Variants in UBA5 observed in about 807,000 individuals in gnomAD.
UBA5 encodes the protein ubiquitin-like modifier-activating enzyme 5.
Under a neutral mutation model 52.9 loss-of-function variants are expected in UBA5, and 28 were observed. The observed-to-expected ratio is 0.53, with a 90% confidence interval of 0.39 to 0.73. The LOEUF (loss-of-function observed/expected upper bound fraction) is 0.73, where lower values mean the gene tolerates loss of function less well. Ranked by LOEUF, UBA5 falls within the 30% of genes least tolerant of loss-of-function variation. The pLI is 0.00. For synonymous variants in UBA5, 135 were observed against 162.1 expected (o/e 0.83, Z 1.27); for missense variants, 388 against 492.7 (o/e 0.79, Z 2.01).
intron 8 of UBA5, among the ~76,000 whole-genome samples, chr3:132,674,363 A>T (rs191048555): frequency 1.3e-5 from 2 of 152,294 alleles, no homozygotes; most frequent in East Asian, 3.9e-4. Context: ...TTTAACAAAA[A>T]CTGCAATTAC....
rs753687713 is a variant in UBA5 at position 132,671,041 on chromosome 3, A to T, written c.571A>T (p.Ile191Leu). Residue 191 changes from isoleucine to leucine, a missense_variant, in exon 6 of 12, where the codon ATA (isoleucine) becomes TTA (leucine). By Grantham distance (5) the Ile-to-Leu change is conservative. Transcript: ENST00000356232. Reference sequence around the variant, plus strand: ...GGACAATTTTGAAGCTCGAATGACAATAAATACAGTGAGTATTCCTGCTGT... The same window carrying T: ...GGACAATTTTGAAGCTCGAATGACATTAAATACAGTGAGTATTCCTGCTGT... Reference protein sequence around the residue: ...CVDNFEARMTINTACNELGQT... With the variant: ...CVDNFEARMTLNTACNELGQT... The T allele has an allele frequency of 4.3e-6, 7 of 1,612,604 alleles. No individual in the cohort carries two copies. In the South Asian group the frequency reaches 7.7e-5, roughly 18 times the overall value.
In UBA5 at chr3:132,675,882, T is replaced by G. The variant is rs781045424; in HGVS notation, c.1090T>G (p.Leu364Val). 6.2e-7 allele frequency: 1 copy of G among 1,611,562 alleles called. No homozygotes were observed. The highest frequency in any genetic ancestry group is 1.7e-5 in the Admixed American group (1 of 59,888). Residue 364 changes from leucine to valine, a missense_variant, in exon 11 of 12, where the codon TTA becomes GTA. This residue lies in a region of UBA5 where 277 missense variants were observed against 326.4 expected (regional missense o/e 0.85). Transcript: ENST00000356232. Reference sequence around the variant, plus strand: ...AAATTTTTCAGGTCCAGTTCCAGACTTACCTGAAGGAATTACAGTGGCATA... The same window carrying G: ...AAATTTTTCAGGTCCAGTTCCAGACGTACCTGAAGGAATTACAGTGGCATA... ...LKNFSGPVPDLPEGITVAYTI... is the reference protein window; with the variant it reads ...LKNFSGPVPDVPEGITVAYTI...
chr3:132,660,635 G>A lies in UBA5; in HGVS notation c.98G>A (p.Gly33Glu), dbSNP rs541600523. 4 of 1,569,592 alleles carry A rather than the reference G, an allele frequency of 2.5e-6. No homozygotes were observed. In the African/African-American group the frequency reaches 5.4e-5, roughly 21 times the overall value. The change falls in exon 1 of 12, where the codon GGA (glycine) becomes GAA (glutamate). Residue 33 changes from glycine to glutamate, a missense_variant. Gly to Glu is a moderately conservative substitution (Grantham distance 98). Coordinates refer to ENST00000356232, the MANE Select transcript of UBA5 (RefSeq NM_024818.6). The surrounding 1 kb of genome is among the most constrained non-coding windows in gnomAD (Gnocchi z 4.1). ...CTGCAGGTCCCGAGGAGCGGCGACGGAGGGGGCGGCCGGGTCCGCATCGAG... is the reference window on the plus strand; with the variant it reads ...CTGCAGGTCCCGAGGAGCGGCGACGAAGGGGGCGGCCGGGTCCGCATCGAG... ...RSLQVPRSGDGGGGRVRIEKM... is the reference protein window; with the variant it reads ...RSLQVPRSGDEGGGRVRIEKM...
intron 1 of UBA5, among the ~76,000 whole-genome samples, chr3:132,663,859 C>T (rs1938268094): frequency 6.6e-6 from 1 of 152,038 alleles, no homozygotes; most frequent in African/African-American, 2.4e-5. Context: ...AGATATGGTA[C>T]AAATGATACA....
intron 3 of UBA5, chr3:132,668,267 T>C (rs1938461748): frequency 6.6e-6 from 1 of 152,304 alleles, no homozygotes; most frequent in Non-Finnish European, 1.5e-5. Flanking sequence ...TAATTCTATT[T>C]GGAATAATGT....
At chr3:132,670,148 T>C in intron 4 of UBA5, 50 bp from the exon 5 acceptor site, 1 of 947,364 alleles carries the variant, frequency 1.1e-6, no homozygotes, top group Non-Finnish European at 1.6e-6. Context: ...CCACAGCCTC[T>C]TGAAATGCTA....
chr3:132,673,049 G>A (rs996507451), intron 8 of UBA5, among the ~76,000 whole-genome samples: 5 of 152,190 alleles, frequency 3.3e-5, no homozygotes, highest in African/African-American at 4.8e-5. Context: ...TGTCAGTTGC[G>A]AGCAAAGAAA....
chr3:132,660,274 G>T (rs1008041361), upstream of UBA5: 2 of 568,034 alleles, frequency 3.5e-6, no homozygotes, highest in African/African-American at 1.9e-5. The surrounding 1 kb of genome is among the most constrained non-coding windows in gnomAD (Gnocchi z 4.1). Flanking sequence ...CCGGCCCAGC[G>T]AGGAAGGAAG....
intron 8 of UBA5, 144 bp from the exon 9 acceptor site, chr3:132,675,104 T>G (rs761013116): frequency 7.1e-5 from 43 of 606,226 alleles, no homozygotes; most frequent in Middle Eastern, 4.6e-4. Flanking sequence ...AGATAAAATT[T>G]CTGTTTTCTG....
In UBA5 at chr3:132,678,152, T is replaced by C. The variant is rs1938912517; in HGVS notation, c.*1626T>C. 6.6e-6 allele frequency: 1 copy of C among 152,216 alleles called. No individual in the cohort carries two copies. Among genetic ancestry groups the C allele is most frequent in the Non-Finnish European group, 1.5e-5 (1 of 68,028 alleles). 9.4% of individuals were successfully genotyped at this position (152,216 alleles called of 1,614,324 possible). On this transcript the variant is annotated 3_prime_UTR_variant, in exon 12 of 12. Transcript: ENST00000356232. Reference sequence around the variant, plus strand: ...TGCTCTCAAGTTGGCATTGCATCACTGCCTGTGTCTTACACTGCACCAAAT... The same window carrying C: ...TGCTCTCAAGTTGGCATTGCATCACCGCCTGTGTCTTACACTGCACCAAAT...
Position 132,670,269 on chromosome 3 carries a change from T to A in UBA5, c.479T>A (p.Phe160Tyr). ...ACCACAGTGGAAAACTTTCAACATT[T>A]CATGGATAGAATAAGGTAAAATTTT... is the stretch of plus-strand genomic sequence containing the variant. The part of the protein sequence containing the change: ...NITTVENFQH[F>Y]MDRISNGGLE... Residue 160 changes from phenylalanine (F) to tyrosine (Y), a missense_variant, in exon 5 of 12, where the codon TTC (phenylalanine) becomes TAC (tyrosine). Physicochemically the swap from Phe to Tyr is conservative, Grantham distance 22 (BLOSUM62 3). Around this residue, in one of 3 missense-constraint regions of UBA5, gnomAD observed 277 missense variants for 326.4 expected, o/e 0.85. Coordinates refer to ENST00000356232, the MANE Select transcript of UBA5 (RefSeq NM_024818.6). 7.1e-7 allele frequency: 1 copy of A among 1,414,622 alleles called. No homozygotes were observed. The highest frequency in any genetic ancestry group is 1.2e-5 in the South Asian group (1 of 82,382). 87.6% of individuals were successfully genotyped at this position (1,414,622 alleles called of 1,614,324 possible).
At chr3:132,665,787 C>CT in intron 1 of UBA5, 36 bp from the exon 2 acceptor site, 1 of 1,600,208 alleles carries the variant, frequency 6.2e-7, no homozygotes, top group Non-Finnish European at 8.5e-7. Context: ...ACCTAAAAGA[C>CT]TGTAAGCTTT....
At chr3:132,667,199 ATG>A (rs1432408678) in intron 3 of UBA5, 8 of 152,320 alleles carry the variant, frequency 5.3e-5, no homozygotes, top group African/African-American at 1.4e-4. Context: ...CTGAATCAGA[ATG>A]TGTATTTTAA....
intron 8 of UBA5, among the ~76,000 whole-genome samples, chr3:132,673,916 C>T (rs1320420757): frequency 6.6e-6 from 1 of 152,100 alleles, no homozygotes; most frequent in Non-Finnish European, 1.5e-5. Flanking sequence ...CTGCCCATAT[C>T]GACCTTCTAA....
chr3:132,667,388 G>T (rs565558227), intron 3 of UBA5: 1 of 152,204 alleles, frequency 6.6e-6, no homozygotes, highest in African/African-American at 2.4e-5. Context: ...AAAAATTCTG[G>T]TGTCCAGACT....
At chr3:132,659,742 C>G, upstream of UBA5, 1 of 1,602,086 alleles carries the variant, frequency 6.2e-7, no homozygotes, top group Non-Finnish European at 8.5e-7. Context: ...CCAGTAGCAC[C>G]TGGCTTCATG....
In UBA5 at chr3:132,669,141, G is replaced by T. The variant is rs144513909; in HGVS notation, c.407+214G>T. ...TCTTTGAGGGCCAGATATTCTGTTG[G>T]AACTGTTAGTTGCAGTTTGATAGCA... On this transcript the variant is annotated intron_variant, in intron 4 of 11. Transcript: ENST00000356232. Among the ~76,000 whole-genome samples the T allele has an allele frequency of 3.7e-3, 563 of 152,278 alleles. 1 individual carries two copies. Among genetic ancestry groups the T allele is most frequent in the African/African-American group, 0.013 (536 of 41,544 alleles).
At chr3:132,668,982 T>A (rs1162453186) in intron 4 of UBA5, 55 bp downstream of exon 4, 1 of 1,169,126 alleles carries the variant, frequency 8.6e-7, no homozygotes, top group African/African-American at 1.5e-5. Flanking sequence ...TTTATGTATT[T>A]GATATGAGTT....
intron 8 of UBA5, among the ~76,000 whole-genome samples, chr3:132,673,172 G>A (rs181047399): frequency 7.9e-5 from 12 of 152,198 alleles, no homozygotes; most frequent in African/African-American, 2.4e-4. Context: ...ACATTTTATA[G>A]TATGATACAA....
Sources: allele counts gnomAD v4.1 joint callset (sites outside exome capture counted in the v4.1 genomes callset), GRCh38; gene constraint gnomAD v4.1.1; regional missense constraint gnomAD v4.1.1; non-coding constraint Gnocchi (gnomAD v3.1); transcripts MANE v1.5; gene names NCBI Gene and HGNC (gene_info 2026-07-23, HGNC 2026-07-21).